The following CADM2 variants were observed in gnomAD, a reference collection of about 807,000 sequenced individuals.
CADM2 encodes cell adhesion molecule 2.
Under a neutral mutation model 49.8 loss-of-function variants are expected in CADM2, and 12 were observed. The observed-to-expected ratio is 0.24, with a 90% CI of 0.15 to 0.39. CADM2 has a LOEUF of 0.39. Among genes scored for constraint, CADM2 ranks in the 10% least tolerant of loss-of-function variants. The probability of loss-of-function intolerance (pLI) is 1.00; values close to 1 mark genes in which losing one functional copy is unlikely to be tolerated. For missense variants in CADM2, 378 were observed against 492.3 expected (o/e 0.77, Z 2.20); for synonymous variants, 214 against 175.4 (o/e 1.22, Z -1.74).
chr3:85,546,324 G>A (rs1233898683), intron 1 of CADM2, among the ~76,000 whole-genome samples: 1 of 152,088 alleles, frequency 6.6e-6, no homozygotes, highest in African/African-American at 2.4e-5. Flanking sequence ...ATTTTGAGTT[G>A]CTTCTTTGAT....
chr3:85,929,441 T>C (rs1720320817), intron 6 of CADM2, among the ~76,000 whole-genome samples: 1 of 151,994 alleles, frequency 6.6e-6, no homozygotes, highest in African/African-American at 2.4e-5. Flanking sequence ...AGTAGATAAC[T>C]TGGCAAAAGC....
chr3:85,808,146 G>A (rs1194261077), intron 3 of CADM2, among the ~76,000 whole-genome samples: 1 of 152,136 alleles, frequency 6.6e-6, no homozygotes, highest in Admixed American at 6.6e-5. Flanking sequence ...CTTCATTTCT[G>A]TACAGCCTAA....
At chr3:85,967,703 G>A (rs1302717348) in intron 8 of CADM2, among the ~76,000 whole-genome samples, 1 of 151,480 alleles carries the variant, frequency 6.6e-6, no homozygotes, top group African/African-American at 2.4e-5. Flanking sequence ...CCCCTGCAAC[G>A]TGCATTTACT....
chr3:84,971,013 A>G (rs146709701), intron 1 of CADM2, among the ~76,000 whole-genome samples: 7 of 152,226 alleles, frequency 4.6e-5, no homozygotes, highest in Non-Finnish European at 1.0e-4. Context: ...AATATGACAT[A>G]TTTTAATTTT....
intron 1 of CADM2, among the ~76,000 whole-genome samples, chr3:85,156,925 T>C (rs1292268722): frequency 8.5e-5 from 13 of 152,158 alleles, no homozygotes; most frequent in Non-Finnish European, 1.5e-4. Context: ...GACATGATTG[T>C]ATATCTAGAA....
At chr3:85,349,600 C>CT (rs1332153901) in intron 1 of CADM2, among the ~76,000 whole-genome samples, 1 of 152,122 alleles carries the variant, frequency 6.6e-6, no homozygotes, top group Non-Finnish European at 1.5e-5. Flanking sequence ...CTTTTCTTCA[C>CT]TTTTTTTACT....
intron 1 of CADM2, among the ~76,000 whole-genome samples, chr3:85,327,709 A>G (rs753744250): frequency 4.6e-5 from 7 of 152,072 alleles, no homozygotes; most frequent in Admixed American, 1.3e-4. Context: ...TTTCATTATA[A>G]CTATTCTTTT....
At chr3:85,837,045 AT>A (rs971994183) in intron 3 of CADM2, among the ~76,000 whole-genome samples, 1 of 151,270 alleles carries the variant, frequency 6.6e-6, no homozygotes, top group East Asian at 1.9e-4. Flanking sequence ...AGTTCAATGA[AT>A]TTTTTTTCAA....
chr3:86,065,360 T>C (rs1215891384), intron 8 of CADM2, among the ~76,000 whole-genome samples: 1 of 152,244 alleles, frequency 6.6e-6, no homozygotes, highest in Admixed American at 6.5e-5. Flanking sequence ...TATATATGTA[T>C]ATTTGCTTAT....
At chr3:85,068,599 A>C (rs1279574642) in intron 1 of CADM2, among the ~76,000 whole-genome samples, 1 of 152,180 alleles carries the variant, frequency 6.6e-6, no homozygotes, top group East Asian at 1.9e-4. Context: ...GTTAAGATCT[A>C]TAATCTTCCA....
chr3:85,129,764 C>G (rs1434100446), intron 1 of CADM2, among the ~76,000 whole-genome samples: 1 of 152,196 alleles, frequency 6.6e-6, no homozygotes, highest in South Asian at 2.1e-4. Flanking sequence ...TGTGATCCCA[C>G]ACTTTACGTA....
chr3:85,609,785 G>A (rs1391217668), intron 1 of CADM2, among the ~76,000 whole-genome samples: 2 of 152,072 alleles, frequency 1.3e-5, no homozygotes, highest in Non-Finnish European at 2.9e-5. Context: ...AGCAGTGCTG[G>A]TAAAAACTGA....
At chr3:85,008,495 G>C (rs183436971) in intron 1 of CADM2, among the ~76,000 whole-genome samples, 2 of 152,060 alleles carry the variant, frequency 1.3e-5, no homozygotes, top group Admixed American at 6.6e-5. Flanking sequence ...ATGGACTCTC[G>C]CTTGACAAGA....
intron 1 of CADM2, among the ~76,000 whole-genome samples, chr3:85,443,042 T>C (rs188309382): frequency 4.2e-4 from 64 of 152,074 alleles, no homozygotes; most frequent in Non-Finnish European, 7.5e-4. Flanking sequence ...GTCAAACTTA[T>C]AATAATCACT....
At chr3:85,662,621 A>G (rs1186126426) in intron 1 of CADM2, among the ~76,000 whole-genome samples, 2 of 152,042 alleles carry the variant, frequency 1.3e-5, no homozygotes. Context: ...TACTTTTGTC[A>G]GGCTTTTGTA....
At chr3:85,475,358 T>G (rs2038935525) in intron 1 of CADM2, among the ~76,000 whole-genome samples, 1 of 151,924 alleles carries the variant, frequency 6.6e-6, no homozygotes, top group African/African-American at 2.4e-5. Flanking sequence ...CTTTACCAAT[T>G]AGTATAATAT....
intron 8 of CADM2, among the ~76,000 whole-genome samples, chr3:85,988,904 C>A (rs73134148): frequency 6.6e-6 from 1 of 152,052 alleles, no homozygotes. Context: ...CAACTGTGAA[C>A]TAACATGAAA....
intron 1 of CADM2, among the ~76,000 whole-genome samples, chr3:85,054,110 A>ACC: frequency 6.6e-6 from 1 of 151,988 alleles, no homozygotes. Flanking sequence ...GGCAGATATA[A>ACC]TAAAGGTTCT....
chr3:85,294,546 A>C (rs1263554743), intron 1 of CADM2, among the ~76,000 whole-genome samples: 2 of 152,104 alleles, frequency 1.3e-5, no homozygotes, highest in African/African-American at 2.4e-5. Flanking sequence ...ACTATACTAC[A>C]AGGCTACAGT....
Sources: allele counts gnomAD v4.1 joint callset (sites outside exome capture counted in the v4.1 genomes callset), GRCh38; gene constraint gnomAD v4.1.1; transcripts MANE v1.5; gene names NCBI Gene and HGNC (gene_info 2026-07-23, HGNC 2026-07-21).